Variants in TRHDE observed in about 807,000 individuals in gnomAD.
TRHDE encodes thyrotropin-releasing hormone-degrading ectoenzyme.
In TRHDE, 72 loss-of-function variants were observed where a neutral mutation model predicts 125.7. The observed-to-expected ratio is 0.57, with a 90% confidence interval of 0.47 to 0.70. The LOEUF (loss-of-function observed/expected upper bound fraction) is 0.70, where lower values mean the gene tolerates loss of function less well. TRHDE is among the 30% of genes least tolerant of loss of function. TRHDE has a pLI of 0.00. For missense variants in TRHDE, 1,110 were observed against 1,327.1 expected, an observed-to-expected ratio of 0.84 and a Z score of 2.54; for synonymous variants, 509 against 509.1, an observed-to-expected ratio of 1.00 and a Z score of 0.00.
Position 72,224,067 on chromosome 12 carries a change from TATCTATCTATCC to T in TRHDE, n.279+118339_279+118350del, listed in dbSNP as rs1206028550. Among the ~76,000 whole-genome samples, 44 of 66,734 alleles carry T rather than the reference TATCTATCTATCC, an allele frequency of 6.6e-4. 2 individuals carry two copies. Among genetic ancestry groups the T allele is most frequent in the South Asian group, 1.5e-3 (3 of 1,952 alleles). The allele number at this position is 66,734 out of a possible 152,430, so 43.8% of individuals were successfully genotyped here. On this transcript the variant is annotated intron_variant and non_coding_transcript_variant, in intron 2 of 4. Transcript: ENST00000548156. ...ACTAATTATGTATATGTGTCCTTCC[TATCTATCTATCC>T]ATCTATCTATCCATCTATCTATCTA...
chr12:72,117,855 G>GTT (rs1171423895), intron 2 of TRHDE, among the ~76,000 whole-genome samples: 27 of 136,130 alleles, frequency 2.0e-4, no homozygotes, highest in African/African-American at 7.2e-4. Flanking sequence ...CTATTTCTTG[G>GTT]TTTTTTTTTT....
At chr12:72,516,703 G>A (rs1362137584) in intron 6 of TRHDE, among the ~76,000 whole-genome samples, 5 of 150,662 alleles carry the variant, frequency 3.3e-5, no homozygotes, top group African/African-American at 4.9e-5. Flanking sequence ...TGGTGAGAGA[G>A]GGCATCCCTG....
chr12:72,199,318 G>A (rs909188657), intron 2 of TRHDE, among the ~76,000 whole-genome samples: 1 of 152,186 alleles, frequency 6.6e-6, no homozygotes, highest in African/African-American at 2.4e-5. Flanking sequence ...CACAACAGAG[G>A]TAGGTCAAGC....
intron 12 of TRHDE, among the ~76,000 whole-genome samples, chr12:72,608,922 G>A (rs1036888822): frequency 2.0e-5 from 3 of 152,162 alleles, no homozygotes; most frequent in Admixed American, 6.5e-5. Context: ...TGAACCTGGG[G>A]GGGTTAGAAA....
At chr12:72,109,333 T>G (rs145108050) in intron 2 of TRHDE, among the ~76,000 whole-genome samples, 159 of 152,230 alleles carry the variant, frequency 1.0e-3, no homozygotes, top group Middle Eastern at 0.01. Flanking sequence ...TTAAGCTTTC[T>G]TTTTGTCTTT....
At chr12:72,443,854 A>G (rs1443035728) in intron 3 of TRHDE, among the ~76,000 whole-genome samples, 1 of 151,718 alleles carries the variant, frequency 6.6e-6, no homozygotes, top group Non-Finnish European at 1.5e-5. Context: ...TATTATCAGG[A>G]TTTACATGTG....
At chr12:72,368,112 A>C (rs1159991217) in intron 2 of TRHDE, among the ~76,000 whole-genome samples, 1 of 152,188 alleles carries the variant, frequency 6.6e-6, no homozygotes, top group Non-Finnish European at 1.5e-5. Context: ...ACAAATCATT[A>C]ATACAGTCTA....
intron 12 of TRHDE, among the ~76,000 whole-genome samples, chr12:72,604,642 T>C (rs1005264129): frequency 7.2e-5 from 11 of 152,070 alleles, no homozygotes; most frequent in Non-Finnish European, 1.3e-4. Flanking sequence ...CTAATATAAT[T>C]CTTATTTTGT....
Position 72,473,087 on chromosome 12 carries a change from G to T in TRHDE, c.1491G>T (p.Thr497=), listed in dbSNP as rs374884856. 3.1e-6 allele frequency: 5 copies of T among 1,613,808 alleles called. No homozygotes were observed. The Admixed American group carries it at 8.3e-5, about 27-fold the overall frequency. The stretch of plus-strand genomic sequence containing the variant: ...TGCAGTGGTTTGGTGACCTTGTGAC[G>T]CCTGTGTGGTGGGAAGACGTGTGGC... ...ICHQWFGDLV[T]PVWWEDVWLK... The change falls in exon 5 of 19, where the codon ACG becomes ACT. Residue 497 remains threonine, a synonymous_variant. Transcript: ENST00000261180.
intron 15 of TRHDE, among the ~76,000 whole-genome samples, chr12:72,639,556 C>T (rs1019981374): frequency 6.6e-6 from 1 of 152,088 alleles, no homozygotes; most frequent in Non-Finnish European, 1.5e-5. Flanking sequence ...GAACTGCGTT[C>T]CTTTGGAGGA....
intron 15 of TRHDE, among the ~76,000 whole-genome samples, chr12:72,643,961 G>A (rs1874175274): frequency 6.6e-6 from 1 of 152,150 alleles, no homozygotes; most frequent in Non-Finnish European, 1.5e-5. Flanking sequence ...TTACTCTGTG[G>A]CTCACTGGTT....
intron 3 of TRHDE, among the ~76,000 whole-genome samples, chr12:72,404,137 A>C (rs1395048573): frequency 3.9e-5 from 6 of 152,066 alleles, no homozygotes; most frequent in Non-Finnish European, 7.4e-5. Context: ...CCGAGGGCTG[A>C]GCTTGGTGGC....
At chr12:72,300,104 T>A (rs1271133027) in intron 2 of TRHDE, among the ~76,000 whole-genome samples, 1 of 152,102 alleles carries the variant, frequency 6.6e-6, no homozygotes, top group Non-Finnish European at 1.5e-5. Context: ...TTAAAGAATA[T>A]TTTTATAACA....
chr12:72,513,223 A>G (rs1206381678), intron 6 of TRHDE, among the ~76,000 whole-genome samples: 1 of 152,122 alleles, frequency 6.6e-6, no homozygotes, highest in Non-Finnish European at 1.5e-5. Context: ...TTTTTGAAAT[A>G]TTTAAGAATT....
chr12:72,269,836 A>G (rs772772128), upstream of TRHDE, among the ~76,000 whole-genome samples: 22 of 152,210 alleles, frequency 1.4e-4, no homozygotes, highest in Non-Finnish European at 4.4e-5. Flanking sequence ...CATTTTTAAA[A>G]AAAGACAAAC....
At chr12:72,459,436 C>T (rs888831775) in intron 3 of TRHDE, among the ~76,000 whole-genome samples, 14 of 152,058 alleles carry the variant, frequency 9.2e-5, no homozygotes, top group Non-Finnish European at 1.3e-4. Context: ...GTTCTAAGCA[C>T]GCCACATATA....
intron 2 of TRHDE, among the ~76,000 whole-genome samples, chr12:72,176,201 A>G (rs1876983759): frequency 6.6e-6 from 1 of 152,094 alleles, no homozygotes; most frequent in Non-Finnish European, 1.5e-5. Flanking sequence ...TACCAAAAAA[A>G]AGAGGCCAAA....
chr12:72,504,093 A>G (rs957336200), intron 6 of TRHDE, among the ~76,000 whole-genome samples: 3 of 152,180 alleles, frequency 2.0e-5, no homozygotes, highest in Non-Finnish European at 4.4e-5. Context: ...AAATATATAC[A>G]AGATACAGTC....
intron 2 of TRHDE, among the ~76,000 whole-genome samples, chr12:72,357,276 T>C (rs553023865): frequency 6.6e-6 from 1 of 151,636 alleles, no homozygotes; most frequent in East Asian, 1.9e-4. Context: ...CAATTACTAG[T>C]CCATGAAAAA....
Sources: allele counts gnomAD v4.1 joint callset (sites outside exome capture counted in the v4.1 genomes callset), GRCh38; gene constraint gnomAD v4.1.1; transcripts MANE v1.5; gene names NCBI Gene and HGNC (gene_info 2026-07-23, HGNC 2026-07-21).